UGT8: variants seen among roughly 807,000 people sequenced by gnomAD.
UGT8 encodes the protein UDP glycosyltransferase 8, also known as 2-hydroxyacylsphingosine 1-beta-galactosyltransferase.
A neutral mutation model predicts 40.5 loss-of-function variants in UGT8; 12 were observed. That is an observed-to-expected ratio of 0.30 (90% confidence interval 0.19 to 0.48). The LOEUF (loss-of-function observed/expected upper bound fraction) is 0.48, where lower values mean the gene tolerates loss of function less well. Among genes scored for constraint, UGT8 ranks in the 20% least tolerant of loss-of-function variants. The probability of loss-of-function intolerance (pLI) is 0.99; values close to 1 mark genes in which losing one functional copy is unlikely to be tolerated. For missense variants in UGT8, 513 were observed against 648.7 expected, an observed-to-expected ratio of 0.79 and a Z score of 2.27; for synonymous variants, 224 against 240.4, an observed-to-expected ratio of 0.93 and a Z score of 0.63.
In UGT8 at chr4:114,676,289, G is replaced by A. The variant is rs760070749; in HGVS notation, c.*1G>A. On this transcript the variant is annotated 3_prime_UTR_variant, in exon 6 of 6. Coordinates refer to ENST00000310836, the MANE Select transcript of UGT8 (RefSeq NM_001128174.3). Reference sequence around the variant, plus strand: ...TAAACATGAAAAGAAAGTGAAATGAGCCAACAGCCCAGGTGATAGAAATAA... The same window carrying A: ...TAAACATGAAAAGAAAGTGAAATGAACCAACAGCCCAGGTGATAGAAATAA... The A allele has an allele frequency of 1.3e-6, 2 of 1,576,234 alleles. No individual in the cohort carries two copies. The highest frequency in any genetic ancestry group is 1.4e-5 in the African/African-American group (1 of 73,422).
intron 4 of UGT8, among the ~76,000 whole-genome samples, chr4:114,666,926 A>T (rs757270861): frequency 2.6e-5 from 4 of 152,020 alleles, no homozygotes; most frequent in Non-Finnish European, 4.4e-5. Flanking sequence ...TTCTTCCGGG[A>T]TGAGAAGTAG....
intron 4 of UGT8, among the ~76,000 whole-genome samples, chr4:114,667,111 G>A (rs1734933659): frequency 6.6e-6 from 1 of 152,146 alleles, no homozygotes; most frequent in African/African-American, 2.4e-5. Flanking sequence ...GGACCTAAGA[G>A]TCAGAAAAGC....
intron 2 of UGT8, among the ~76,000 whole-genome samples, chr4:114,633,800 C>T (rs1489720685): frequency 6.6e-6 from 1 of 152,020 alleles, no homozygotes; most frequent in Non-Finnish European, 1.5e-5. Flanking sequence ...AAAAATTAGC[C>T]AAGCGTGGTG....
intron 2 of UGT8, among the ~76,000 whole-genome samples, chr4:114,635,499 A>T (rs1276126643): frequency 6.6e-6 from 1 of 152,232 alleles, no homozygotes; most frequent in Non-Finnish European, 1.5e-5. Context: ...TTTGAAATGC[A>T]TCAAGCCATA....
intron 5 of UGT8, among the ~76,000 whole-genome samples, 193 bp downstream of exon 5, chr4:114,668,497 A>G (rs760624271): frequency 2.0e-5 from 3 of 152,224 alleles, no homozygotes; most frequent in African/African-American, 7.2e-5. Flanking sequence ...CAGCCATGTT[A>G]TGACACCAGA....
intron 2 of UGT8, among the ~76,000 whole-genome samples, chr4:114,635,833 A>G (rs1732854556): frequency 6.6e-6 from 1 of 152,220 alleles, no homozygotes; most frequent in Admixed American, 6.5e-5. Flanking sequence ...GTTTCCTGTT[A>G]TGAAGACAGA....
chr4:114,614,842 T>C (rs954267622), intron 1 of UGT8, among the ~76,000 whole-genome samples: 2 of 13,112 alleles, frequency 1.5e-4, no homozygotes, highest in African/African-American at 2.9e-4. Flanking sequence ...GTGCCAGACT[T>C]TTTTTTTTTT....
chr4:114,613,139 C>G (rs1287817514), intron 1 of UGT8, among the ~76,000 whole-genome samples: 1 of 152,108 alleles, frequency 6.6e-6, no homozygotes, highest in Non-Finnish European at 1.5e-5. Context: ...TCCATAGATG[C>G]ATGCTGCAAT....
chr4:114,629,150 C>T (rs1732425000), intron 2 of UGT8, among the ~76,000 whole-genome samples: 1 of 152,102 alleles, frequency 6.6e-6, no homozygotes, highest in African/African-American at 2.4e-5. Flanking sequence ...TTAATAATTA[C>T]ATATGCAATT....
chr4:114,608,840 C>T (rs1249464603), intron 1 of UGT8, among the ~76,000 whole-genome samples: 1 of 152,082 alleles, frequency 6.6e-6, no homozygotes, highest in East Asian at 1.9e-4. Flanking sequence ...GTCATGAAAC[C>T]ATAGTTGGAG....
chr4:114,634,929 G>T (rs1316092225), intron 2 of UGT8, among the ~76,000 whole-genome samples: 1 of 151,926 alleles, frequency 6.6e-6, no homozygotes, highest in African/African-American at 2.4e-5. Flanking sequence ...TAGTGCAGTT[G>T]GCAGATCTCT....
At chr4:114,620,722 T>G (rs967401761) in intron 1 of UGT8, among the ~76,000 whole-genome samples, 2 of 152,204 alleles carry the variant, frequency 1.3e-5, no homozygotes, top group Non-Finnish European at 1.5e-5. Flanking sequence ...AAAAAGCATC[T>G]GGAAATATAT....
intron 2 of UGT8, among the ~76,000 whole-genome samples, chr4:114,639,160 A>AT (rs1733061760): frequency 6.6e-6 from 1 of 152,160 alleles, no homozygotes; most frequent in Non-Finnish European, 1.5e-5. Flanking sequence ...TGTCCTTTCC[A>AT]TTTGTGAAAG....
chr4:114,644,847 G>T (rs941919148), intron 2 of UGT8, among the ~76,000 whole-genome samples: 4 of 152,134 alleles, frequency 2.6e-5, no homozygotes, highest in African/African-American at 9.7e-5. Context: ...ACAGCTGAAA[G>T]TGGCCCACTT....
intron 3 of UGT8, chr4:114,665,325 C>A: frequency 1.0e-6 from 1 of 966,828 alleles, no homozygotes; most frequent in Non-Finnish European, 1.2e-6. Context: ...CCTGCTCCTT[C>A]TTGTTCCAGC....
intron 2 of UGT8, among the ~76,000 whole-genome samples, chr4:114,648,988 G>A (rs1733740702): frequency 6.6e-6 from 1 of 152,076 alleles, no homozygotes; most frequent in Non-Finnish European, 1.5e-5. Context: ...CTCTGCTTCT[G>A]ATTACCTCCT....
intron 4 of UGT8, among the ~76,000 whole-genome samples, chr4:114,667,312 T>A (rs1315632269): frequency 6.6e-6 from 1 of 152,208 alleles, no homozygotes; most frequent in Non-Finnish European, 1.5e-5. Context: ...ATATCCTAAG[T>A]ACAATGTTTT....
At chr4:114,663,773 T>TA in intron 2 of UGT8, 1 of 985,240 alleles carries the variant, frequency 1.0e-6, no homozygotes, top group Non-Finnish European at 1.2e-6. Context: ...TTTTGTTACT[T>TA]ACAGATCTTA....
At chr4:114,616,031 A>G (rs1731403197) in intron 1 of UGT8, among the ~76,000 whole-genome samples, 2 of 152,128 alleles carry the variant, frequency 1.3e-5, no homozygotes, top group African/African-American at 4.8e-5. Flanking sequence ...CCTCCCAGTT[A>G]GGCTAGTCGG....
Sources: gnomAD v4.1 joint callset for allele counts (sites outside exome capture counted in the v4.1 genomes callset) on GRCh38, gnomAD v4.1.1 for gene constraint, MANE v1.5 for transcripts, NCBI Gene and HGNC (gene_info 2026-07-23, HGNC 2026-07-21) for gene names.